RTTN: variants seen among roughly 807,000 people sequenced by gnomAD.
The protein encoded by RTTN is rotatin.
In RTTN, 182 loss-of-function variants were observed where a neutral mutation model predicts 269.2. That is an observed-to-expected ratio of 0.68 (90% confidence interval 0.60 to 0.76). The LOEUF is 0.76. Ranked by LOEUF, RTTN falls within the 30% of genes least tolerant of loss-of-function variation. RTTN has a pLI of 0.00. For synonymous variants in RTTN, 1,006 were observed against 963.5 expected, an observed-to-expected ratio of 1.04 and a Z score of -0.82; for missense variants, 2,545 against 2,608.6, an observed-to-expected ratio of 0.98 and a Z score of 0.53.
At chr18:70,135,088 C>T (rs1039829514) in intron 22 of RTTN, 96 bp downstream of exon 22, 32 of 678,320 alleles carry the variant, frequency 4.7e-5, no homozygotes, top group South Asian at 9.5e-5. Context: ...GCATAAGCTT[C>T]GTAAATCAGA....
In RTTN at chr18:70,204,231, A is replaced by C; in HGVS notation, c.252T>G (p.Val84=). 6.2e-7 allele frequency: 1 copy of C among 1,612,512 alleles called. No homozygotes were observed. Among genetic ancestry groups the C allele is most frequent in the South Asian group, 1.1e-5 (1 of 90,412 alleles). ...GCTTAGATAAGAACTCTACTGCACC[A>C]ACGTCAACCAAATGTTGGACTGCTG... ...YPPAVQHLVD[V]GAVEFLSKLR... Residue 84 remains valine, a synonymous_variant, in exon 3 of 49, where the codon GTT becomes GTG. Transcript: ENST00000640769.
chr18:70,136,125 A>C (rs2060118233), intron 21 of RTTN, among the ~76,000 whole-genome samples: 1 of 152,204 alleles, frequency 6.6e-6, no homozygotes, highest in Non-Finnish European at 1.5e-5. Flanking sequence ...CCATAAACCA[A>C]AAAGTAAAGA....
At chr18:70,205,029 T>C (rs2062041064) in intron 2 of RTTN, 99 bp downstream of exon 2, 1 of 1,261,818 alleles carries the variant, frequency 7.9e-7, no homozygotes, top group Non-Finnish European at 1.1e-6. Context: ...TAAAAAAACT[T>C]TTAACCCCAA....
At chr18:70,160,180 C>A (rs2060788426) in intron 14 of RTTN, among the ~76,000 whole-genome samples, 1 of 151,594 alleles carries the variant, frequency 6.6e-6, no homozygotes. Context: ...TGTAAAAATT[C>A]TCAACAAAAT....
At chr18:70,148,784 T>C in intron 17 of RTTN, 117 bp downstream of exon 17, 3 of 1,230,270 alleles carry the variant, frequency 2.4e-6, no homozygotes, top group Non-Finnish European at 3.4e-6. Context: ...CCTCTAGTAA[T>C]GGAATAACAC....
rs1311272358 is a variant in RTTN at position 70,003,537 on chromosome 18, G to A, written c.*614C>T. 2 of 152,174 alleles carry A rather than the reference G, an allele frequency of 1.3e-5. No individual in the cohort carries two copies. Among genetic ancestry groups the A allele is most frequent in the Non-Finnish European group, 2.9e-5 (2 of 68,036 alleles). The allele number at this position is 152,174 out of a possible 1,614,324, so 9.4% of individuals were successfully genotyped here. A position where few individuals can be genotyped will look rare whatever the true frequency, so the allele number is the denominator to read the frequency against. ...GATAACATCACTAAAACTTGCCTAAGAAAGCTACTTACAAATCATGTACAT... is the reference window on the plus strand; with the variant it reads ...GATAACATCACTAAAACTTGCCTAAAAAAGCTACTTACAAATCATGTACAT... On this transcript the variant is annotated 3_prime_UTR_variant, in exon 49 of 49. Coordinates refer to ENST00000640769, the MANE Select transcript of RTTN (RefSeq NM_173630.4).
At chr18:70,122,625 G>C (rs1180364810) in intron 25 of RTTN, among the ~76,000 whole-genome samples, 1 of 152,126 alleles carries the variant, frequency 6.6e-6, no homozygotes, top group African/African-American at 2.4e-5. Context: ...CAGTCACACG[G>C]CTAGCAAGTT....
chr18:70,158,053 C>T (rs1018909673), intron 14 of RTTN, among the ~76,000 whole-genome samples: 1 of 151,998 alleles, frequency 6.6e-6, no homozygotes, highest in African/African-American at 2.4e-5. Flanking sequence ...AAAATTTCTC[C>T]AACCTCACTA....
At position 70,073,907 on chromosome 18, in the gene RTTN, G is replaced by C; in HGVS notation, c.4652C>G (p.Thr1551Arg). 2 of 1,607,064 alleles carry C rather than the reference G, an allele frequency of 1.2e-6. No individual in the cohort carries two copies. The highest frequency in any genetic ancestry group is 1.7e-6 in the Non-Finnish European group (2 of 1,174,412). ...DPSSLSTSET[T>R]VAPSLGSTEF... ...GACTTATGCATTCTTTGCAAGTACC[G>C]TTGTTTCTGAGGTGGAGAGAGAACT... The change falls in exon 34 of 49, where the codon ACG (threonine) becomes AGG (arginine). Residue 1551 changes from threonine (T) to arginine (R), a missense_variant and splice_region_variant. By Grantham distance (71) the Thr-to-Arg change is moderately conservative (BLOSUM62 -1). Coordinates refer to ENST00000640769, the MANE Select transcript of RTTN (RefSeq NM_173630.4).
At chr18:70,149,894 G>A in intron 16 of RTTN, 77 bp downstream of exon 16, 2 of 978,402 alleles carry the variant, frequency 2.0e-6, no homozygotes, top group Admixed American at 1.7e-5. Flanking sequence ...TGACAGTTTA[G>A]CTGTTTGCAT....
At chr18:70,061,948 T>C (rs2057999205) in intron 35 of RTTN, among the ~76,000 whole-genome samples, 1 of 152,250 alleles carries the variant, frequency 6.6e-6, no homozygotes, top group African/African-American at 2.4e-5. Flanking sequence ...TTCCGTTATG[T>C]GAAAGTAAAA....
At chr18:70,153,669 G>A (rs113195676) in intron 14 of RTTN, among the ~76,000 whole-genome samples, 119 of 152,260 alleles carry the variant, frequency 7.8e-4, no homozygotes, top group African/African-American at 2.5e-3. Flanking sequence ...GCAATGCCTT[G>A]GAGATTTACC....
chr18:70,103,182 C>A (rs925707490), intron 28 of RTTN, among the ~76,000 whole-genome samples: 2 of 151,994 alleles, frequency 1.3e-5, no homozygotes, highest in Admixed American at 6.5e-5. Context: ...AAGTGAGGAG[C>A]GCCTCTGCCT....
At chr18:70,033,410 A>G (rs1028520054) in intron 40 of RTTN, among the ~76,000 whole-genome samples, 3 of 152,250 alleles carry the variant, frequency 2.0e-5, no homozygotes, top group African/African-American at 7.2e-5. Flanking sequence ...ACAGAATTCA[A>G]TACAAAGAAA....
rs1170933832 is a variant in RTTN, at chr18:70,065,900, G to T, written c.4676C>A (p.Thr1559Asn). 3.1e-6 allele frequency: 5 copies of T among 1,601,138 alleles called. No individual in the cohort carries two copies. Among genetic ancestry groups the T allele is most frequent in the Non-Finnish European group, 3.4e-6 (4 of 1,172,898 alleles). The change falls in exon 35 of 49, where the codon ACT becomes AAT. Residue 1559 changes from threonine (T) to asparagine (N), a missense_variant. By Grantham distance (65) the Thr-to-Asn change is moderately conservative. Coordinates refer to ENST00000640769, the MANE Select transcript of RTTN (RefSeq NM_173630.4). ...TGACTGCACAAGTGGCTGAAATTCAGTACTCCCCAATGAAGGTGCCACCTA... is the reference window on the plus strand; with the variant it reads ...TGACTGCACAAGTGGCTGAAATTCATTACTCCCCAATGAAGGTGCCACCTA... ...ETTVAPSLGS[T>N]EFQPLVQSTT...
chr18:70,171,081 A>G (rs1006616772), intron 11 of RTTN, among the ~76,000 whole-genome samples: 3 of 152,166 alleles, frequency 2.0e-5, no homozygotes, highest in African/African-American at 7.2e-5. Flanking sequence ...GAAGACATCA[A>G]AAAGGACACT....
chr18:70,084,362 T>C (rs556575141), intron 32 of RTTN, among the ~76,000 whole-genome samples: 55 of 152,344 alleles, frequency 3.6e-4, no homozygotes, highest in African/African-American at 1.3e-3. Context: ...AACATTTTGT[T>C]GAATAAGATT....
At chr18:70,049,817 A>G (rs890109750) in intron 39 of RTTN, among the ~76,000 whole-genome samples, 22 of 152,216 alleles carry the variant, frequency 1.4e-4, no homozygotes, top group Admixed American at 1.3e-3. Context: ...AACTATCATG[A>G]AAAACATAAA....
chr18:70,085,716 C>T (rs990515004), intron 32 of RTTN, among the ~76,000 whole-genome samples: 2 of 152,074 alleles, frequency 1.3e-5, no homozygotes, highest in Admixed American at 1.3e-4. Context: ...AGTGAACTAA[C>T]TCAAAAATAG....
Sources: gnomAD v4.1 joint callset for allele counts (sites outside exome capture counted in the v4.1 genomes callset) on GRCh38, gnomAD v4.1.1 for gene constraint, MANE v1.5 for transcripts, NCBI Gene and HGNC (gene_info 2026-07-23, HGNC 2026-07-21) for gene names.